The following TSC22D4 variants were observed in gnomAD, a reference collection of about 807,000 sequenced individuals.
The protein encoded by TSC22D4 is TSC22 domain family member 4.
Under a neutral mutation model 24.9 loss-of-function variants are expected in TSC22D4, and 5 were observed. That is an observed-to-expected ratio of 0.20 (90% CI 0.10 to 0.42). TSC22D4 has a LOEUF of 0.42. Ranked by LOEUF, TSC22D4 falls within the 10% of genes least tolerant of loss-of-function variation. TSC22D4 has a pLI of 1.00. For missense variants in TSC22D4, 469 were observed against 547.9 expected (o/e 0.86, Z 1.44); for synonymous variants, 245 against 243.2 (o/e 1.01, Z -0.07).
rs373877057 is a variant in TSC22D4, at chr7:100,477,763, A to G, written c.276T>C (p.Cys92=). 5 of 1,605,000 alleles carry G rather than the reference A, an allele frequency of 3.1e-6. No individual in the cohort carries two copies. Among genetic ancestry groups the G allele is most frequent in the Non-Finnish European group, 4.2e-6 (5 of 1,179,824 alleles). ...GEPYRRGRWT[C]VDVYERDLEP... is the part of the protein sequence containing the mutation. ...CCAGGTCTCGCTCATAAACATCCAC[A>G]CACGTCCAGCGACCGCGGCGATAAG... is the stretch of plus-strand genomic sequence containing the variant. Residue 92 remains cysteine, a synonymous_variant, in exon 2 of 5, where the codon TGT becomes TGC. Coordinates refer to ENST00000300181, the MANE Select transcript of TSC22D4 (RefSeq NM_030935.5). This position sits in a 1 kb window ranked among gnomAD's most constrained non-coding sequence, Gnocchi z 7.8.
At position 100,477,514 on chromosome 7, in the gene TSC22D4, C is replaced by T. The variant is rs745556448; in HGVS notation, c.525G>A (p.Val175=). ...SFTGGLGQLV[V]PSKAKAEKPP... is the part of the protein sequence containing the mutation. Reference sequence around the variant, plus strand: ...GTTTCTCTGCCTTGGCTTTGCTGGGCACCACCAGCTGGCCCAGTCCCCCAG... The same window carrying T: ...GTTTCTCTGCCTTGGCTTTGCTGGGTACCACCAGCTGGCCCAGTCCCCCAG... Residue 175 remains valine, a synonymous_variant, in exon 2 of 5, where the codon GTG becomes GTA. Transcript: ENST00000300181. This position sits in a 1 kb window ranked among gnomAD's most constrained non-coding sequence, Gnocchi z 7.8. 1 of 1,556,880 alleles carries T rather than the reference C, an allele frequency of 6.4e-7. No individual in the cohort carries two copies. The highest frequency in any genetic ancestry group is 1.2e-5 in the South Asian group (1 of 82,624).
rs570019599 is a variant in TSC22D4 at position 100,474,217 on chromosome 7, G to A, written c.929+57C>T. 2.2e-4 allele frequency: 356 copies of A among 1,596,604 alleles called. No homozygotes were observed. The African/African-American group carries it at 4.0e-3, about 18-fold the overall frequency. ...CCAGGCACTTTCTTACAGCTACCCC[G>A]GGTGCTGGGCGGGGAACCTGAACCC... is the stretch of plus-strand genomic sequence containing the variant. On this transcript the variant is annotated intron_variant, in intron 3 of 4. Transcript: ENST00000300181. The surrounding 1 kb of genome is among the most constrained non-coding windows in gnomAD (Gnocchi z 4.3).
At position 100,477,631 on chromosome 7, in the gene TSC22D4, G is replaced by A. The variant is rs747650871; in HGVS notation, c.408C>T (p.Gly136=). Residue 136 remains glycine (G), a synonymous_variant, in exon 2 of 5, where the codon GGC becomes GGT. Coordinates refer to ENST00000300181, the MANE Select transcript of TSC22D4 (RefSeq NM_030935.5). This position sits in a 1 kb window ranked among gnomAD's most constrained non-coding sequence, Gnocchi z 7.8. ...ACAGGCCTGACGGTGGGGTGGGGGC[G>A]CCCAGGCCGAGGCTGGCCAGCTCCA... ...SRLELASLGL[G]APTPPSGLSQ... The A allele has an allele frequency of 1.4e-5, 23 of 1,595,506 alleles. No homozygotes were observed. In the East Asian group the frequency reaches 2.2e-4, roughly 16 times the overall value.
Position 100,478,326 on chromosome 7 carries a change from A to AGG in TSC22D4, c.-269-20_-269-19insCC, listed in dbSNP as rs1799551728. ...TTGCAAACTGGAAAAAGAGGGGGAG[A>AGG]GAGAGAGAGAGAGAGAGAGAGAGAG... On this transcript the variant is annotated intron_variant, in intron 1 of 4. Transcript: ENST00000300181. The AGG allele has an allele frequency of 4.5e-6, 1 of 222,058 alleles. No homozygotes were observed. Among genetic ancestry groups the AGG allele is most frequent in the Non-Finnish European group, 8.0e-6 (1 of 124,274 alleles). 13.8% of individuals were successfully genotyped at this position (222,058 alleles called of 1,614,324 possible).
chr7:100,466,885 T>C lies in TSC22D4; in HGVS notation c.*74A>G. The C allele has an allele frequency of 1.4e-6, 2 of 1,391,168 alleles. No individual in the cohort carries two copies. The highest frequency in any genetic ancestry group is 2.9e-5 in the South Asian group (2 of 69,044). The allele number at this position is 1,391,168 out of a possible 1,614,324, so 86.2% of individuals were successfully genotyped here. On this transcript the variant is annotated 3_prime_UTR_variant, in exon 5 of 5. Transcript: ENST00000300181. ...CCCGGGGACACGGGGACATTAAAGC[T>C]GCATAGGAAGAGGGGGCAGGCGGCT...
chr7:100,466,816 C>T lies in TSC22D4; in HGVS notation c.*143G>A. On this transcript the variant is annotated 3_prime_UTR_variant, in exon 5 of 5. Coordinates refer to ENST00000300181, the MANE Select transcript of TSC22D4 (RefSeq NM_030935.5). ...GGCTGGGGATGATGAGGAGATGGGG[C>T]AGGGGCCGGGGGACCAGGCCATTAC... 1 of 803,758 alleles carries T rather than the reference C, an allele frequency of 1.2e-6. No homozygotes were observed. The highest frequency in any genetic ancestry group is 1.9e-6 in the Non-Finnish European group (1 of 514,090). 49.8% of individuals were successfully genotyped at this position (803,758 alleles called of 1,614,324 possible).
rs1799512967 is a variant in TSC22D4 at position 100,477,191 on chromosome 7, A to AGGGGGGGG, written c.762+85_762+86insCCCCCCCC. ...TCTTATAAAGTGATGGAGAAGGAGG[A>AGGGGGGGG]GGAGAGGGGGGGGAGGAGGAGGAAG... On this transcript the variant is annotated intron_variant, in intron 2 of 4. Transcript: ENST00000300181. The surrounding 1 kb of genome is among the most constrained non-coding windows in gnomAD (Gnocchi z 7.8). The AGGGGGGGG allele has an allele frequency of 1.1e-6, 1 of 920,494 alleles. No individual in the cohort carries two copies. Among genetic ancestry groups the AGGGGGGGG allele is most frequent in the African/African-American group, 2.3e-5 (1 of 42,708 alleles). 57.0% of individuals were successfully genotyped at this position (920,494 alleles called of 1,614,324 possible). A position where few individuals can be genotyped will look rare whatever the true frequency, so the allele number is the denominator to read the frequency against.
chr7:100,477,748 C>A lies in TSC22D4; in HGVS notation c.291G>T (p.Glu97Asp). ...RGRWTCVDVY[E>D]RDLEPHSFGG... ...CGAAGCTGTGGGGCTCCAGGTCTCG[C>A]TCATAAACATCCACACACGTCCAGC... The change falls in exon 2 of 5, where the codon GAG (glutamate) becomes GAT (aspartate). Residue 97 changes from glutamate to aspartate, a missense_variant. Coordinates refer to ENST00000300181, the MANE Select transcript of TSC22D4 (RefSeq NM_030935.5). The surrounding 1 kb of genome is among the most constrained non-coding windows in gnomAD (Gnocchi z 7.8). The A allele has an allele frequency of 6.2e-7, 1 of 1,604,034 alleles. No individual in the cohort carries two copies. Among genetic ancestry groups the A allele is most frequent in the Non-Finnish European group, 8.5e-7 (1 of 1,179,776 alleles).
At chr7:100,467,402 G>A (rs1479312663) in intron 4 of TSC22D4, 150 bp downstream of exon 4, 5 of 929,746 alleles carry the variant, frequency 5.4e-6, no homozygotes, top group African/African-American at 1.6e-5. Flanking sequence ...GGTGGTGGCA[G>A]GAGGGGGCAG....
intron 4 of TSC22D4, 83 bp from the exon 5 acceptor site, chr7:100,467,251 C>G (rs940297612): frequency 2.9e-6 from 4 of 1,395,738 alleles, no homozygotes; most frequent in Non-Finnish European, 4.1e-6. Flanking sequence ...GGGTGGGAGA[C>G]AGTCCCCAGT....
intron 4 of TSC22D4, 75 bp from the exon 5 acceptor site, chr7:100,467,243 G>A: frequency 6.9e-7 from 1 of 1,446,136 alleles, no homozygotes; most frequent in Non-Finnish European, 9.7e-7. Context: ...GAGGGCTGGG[G>A]TGGGAGACAG....
In TSC22D4 at chr7:100,474,006, TGAC is replaced by T; in HGVS notation, c.929+265_929+267del. 2.5e-6 allele frequency: 1 copy of T among 404,344 alleles called. No individual in the cohort carries two copies. Among genetic ancestry groups the T allele is most frequent in the Non-Finnish European group, 4.6e-6 (1 of 216,764 alleles). The allele number at this position is 404,344 out of a possible 1,614,324, so 25.0% of individuals were successfully genotyped here. The stretch of plus-strand genomic sequence containing the variant: ...CTAAATCTGCAAGAGCTCTGGAATC[TGAC>T]AACAATGACTCCCTTCAGACTCTAA... On this transcript the variant is annotated intron_variant, in intron 3 of 4. Coordinates refer to ENST00000300181, the MANE Select transcript of TSC22D4 (RefSeq NM_030935.5). The surrounding 1 kb of genome is among the most constrained non-coding windows in gnomAD (Gnocchi z 4.3).
intron 3 of TSC22D4, chr7:100,467,982 G>C (rs1319725257): frequency 6.2e-6 from 3 of 486,858 alleles, no homozygotes; most frequent in East Asian, 1.3e-4. Flanking sequence ...CCCCAATGGA[G>C]AGGGATGCAG....
In TSC22D4 at chr7:100,467,014, G is replaced by A; in HGVS notation, c.1133C>T (p.Pro378Leu). 2 of 1,609,464 alleles carry A rather than the reference G, an allele frequency of 1.2e-6. No individual in the cohort carries two copies. The highest frequency in any genetic ancestry group is 1.7e-6 in the Non-Finnish European group (2 of 1,178,080). Residue 378 changes from proline to leucine, a missense_variant, in exon 5 of 5, where the codon CCC becomes CTC. Pro to Leu is a moderately conservative substitution (Grantham distance 98). Transcript: ENST00000300181. ...LASPEQLAQL[P>L]SSGVPRLGPP... ...CCCAAGCCGTGGGACCCCCGAGGAG[G>A]GCAGCTGAGCCAGCTGCTCCGGGCT...
At chr7:100,472,593 C>A (rs1156603314) in intron 3 of TSC22D4, among the ~76,000 whole-genome samples, 1 of 152,074 alleles carries the variant, frequency 6.6e-6, no homozygotes, top group Non-Finnish European at 1.5e-5. Context: ...GCGGGAAACG[C>A]TGAGAATAGC....
chr7:100,467,368 A>C (rs748114887), intron 4 of TSC22D4, 184 bp downstream of exon 4: 3 of 847,714 alleles, frequency 3.5e-6, no homozygotes, highest in Non-Finnish European at 5.7e-6. Flanking sequence ...GCCAGACTAG[A>C]GGCTGGGCAA....
chr7:100,474,353 C>T lies in TSC22D4; in HGVS notation c.850G>A (p.Gly284Arg), dbSNP rs763257771. ...CTGAACTTCTGAGCTGCTACTGCTC[C>T]GAAGGGGTCTGGAGATTTGTGAACC... is the stretch of plus-strand genomic sequence containing the variant. ...SLVHKSPDPF[G>R]AVAAQKFSLA... is the part of the protein sequence containing the mutation. Residue 284 changes from glycine (G) to arginine (R), a missense_variant, in exon 3 of 5, where the codon GGA becomes AGA. Coordinates refer to ENST00000300181, the MANE Select transcript of TSC22D4 (RefSeq NM_030935.5). The surrounding 1 kb of genome is among the most constrained non-coding windows in gnomAD (Gnocchi z 4.3). The T allele has an allele frequency of 6.2e-6, 10 of 1,613,944 alleles. No homozygotes were observed. Among genetic ancestry groups the T allele is most frequent in the East Asian group, 2.2e-5 (1 of 44,894 alleles).
Position 100,477,299 on chromosome 7 carries a change from C to T in TSC22D4, c.740G>A (p.Gly247Asp), listed in dbSNP as rs1341600039. ...AVDMRLRMEL[G>D]APEEMGQVPP... ...TACCTGCCCCATCTCTTCTGGAGCA[C>T]CCAACTCCATCCGCAGCCGCATGTC... is the stretch of plus-strand genomic sequence containing the variant. Residue 247 changes from glycine (G) to aspartate (D), a missense_variant, in exon 2 of 5, where the codon GGT (glycine) becomes GAT (aspartate). By Grantham distance (94) the Gly-to-Asp change is moderately conservative. Coordinates refer to ENST00000300181, the MANE Select transcript of TSC22D4 (RefSeq NM_030935.5). The surrounding 1 kb of genome is among the most constrained non-coding windows in gnomAD (Gnocchi z 7.8). The T allele has an allele frequency of 6.6e-7, 1 of 1,520,460 alleles. No individual in the cohort carries two copies. Among genetic ancestry groups the T allele is most frequent in the Non-Finnish European group, 8.8e-7 (1 of 1,134,512 alleles). 94.2% of individuals were successfully genotyped at this position (1,520,460 alleles called of 1,614,324 possible).
intron 3 of TSC22D4, among the ~76,000 whole-genome samples, chr7:100,469,562 A>C (rs1431834695): frequency 6.6e-6 from 1 of 151,904 alleles, no homozygotes; most frequent in Non-Finnish European, 1.5e-5. Flanking sequence ...TGCTGACCTC[A>C]TCCTCCAAGG....
Sources: allele counts gnomAD v4.1 joint callset (sites outside exome capture counted in the v4.1 genomes callset), GRCh38; gene constraint gnomAD v4.1.1; non-coding constraint Gnocchi (gnomAD v3.1); transcripts MANE v1.5; gene names NCBI Gene and HGNC (gene_info 2026-07-23, HGNC 2026-07-21).